Variants in PTCHD4 observed in about 807,000 individuals in gnomAD.
PTCHD4 encodes the protein patched domain-containing protein 4.
In PTCHD4, 33 loss-of-function variants were observed where a neutral mutation model predicts 58.1. The ratio of observed to expected loss-of-function variants is 0.57; its 90% CI spans 0.43 to 0.76. PTCHD4 has a LOEUF of 0.76. PTCHD4 is among the 30% of genes least tolerant of loss of function. The pLI is 0.00. For missense variants in PTCHD4, 1,058 were observed against 1,027.1 expected (o/e 1.03, Z -0.41); for synonymous variants, 478 against 409.6 (o/e 1.17, Z -2.02).
At chr6:48,095,730 A>AC (rs1397760361) in intron 1 of PTCHD4, among the ~76,000 whole-genome samples, 1 of 117,204 alleles carries the variant, frequency 8.5e-6, no homozygotes, top group African/African-American at 3.3e-5. Flanking sequence ...AACAAAAGGA[A>AC]CCAAAAAAAA....
chr6:47,900,456 G>A (rs978855976), intron 4 of PTCHD4: 3 of 152,136 alleles, frequency 2.0e-5, no homozygotes, highest in African/African-American at 7.2e-5. Context: ...TGTCCACTTT[G>A]AAATTGGGTT....
chr6:47,867,114 G>C lies in PTCHD4; in HGVS notation c.*11189C>G, dbSNP rs1763588027. Among the ~76,000 whole-genome samples, 1 of 151,726 alleles carries C rather than the reference G, an allele frequency of 6.6e-6. No homozygotes were observed. The highest frequency in any genetic ancestry group is 2.1e-4 in the South Asian group (1 of 4,820). On this transcript the variant is annotated 3_prime_UTR_variant, in exon 5 of 5. Coordinates refer to ENST00000339488, the MANE Select transcript of PTCHD4 (RefSeq NM_001384253.1). Reference sequence around the variant, plus strand: ...CAATAATACCTATTCTATTAGGCAGGTATTATTTGAATTGTTAATTAAAAT... The same window carrying C: ...CAATAATACCTATTCTATTAGGCAGCTATTATTTGAATTGTTAATTAAAAT...
intron 1 of PTCHD4, among the ~76,000 whole-genome samples, 112 bp from the exon 2 acceptor site, chr6:48,070,038 C>T (rs2113882999): frequency 6.6e-6 from 1 of 152,200 alleles, no homozygotes; most frequent in Non-Finnish European, 1.5e-5. Flanking sequence ...GATACAATTC[C>T]TCCTTCAGCA....
chr6:48,084,039 T>TA (rs548591757), intron 1 of PTCHD4, among the ~76,000 whole-genome samples: 11,311 of 148,876 alleles, frequency 0.076, 470 homozygotes, highest in South Asian at 0.1. Flanking sequence ...TAGCAGTGAT[T>TA]AAAAAAAAAA....
intron 3 of PTCHD4, among the ~76,000 whole-genome samples, chr6:48,009,820 C>T (rs1446943385): frequency 7.2e-5 from 11 of 152,154 alleles, no homozygotes; most frequent in African/African-American, 2.4e-4. Context: ...GTAGACAAAT[C>T]CCCTAAATTA....
intron 4 of PTCHD4, among the ~76,000 whole-genome samples, chr6:47,933,186 C>G (rs759690583): frequency 2.0e-5 from 3 of 152,178 alleles, no homozygotes; most frequent in Non-Finnish European, 2.9e-5. Context: ...AGGTTGACAT[C>G]TGAAATGAAA....
At position 47,858,325 on chromosome 6, in the gene PTCHD4, A is replaced by G. The variant is rs146575576; in HGVS notation, c.*19978T>C. Among the ~76,000 whole-genome samples, 56 of 152,178 alleles carry G rather than the reference A, an allele frequency of 3.7e-4. No individual in the cohort carries two copies. Among genetic ancestry groups the G allele is most frequent in the African/African-American group, 1.3e-3 (53 of 41,556 alleles). ...TCCATTAATAAATTTCTTCTGTAGA[A>G]CAAAGTAATGTGTATGAAAGACAAT... is the stretch of plus-strand genomic sequence containing the variant. On this transcript the variant is annotated 3_prime_UTR_variant, in exon 5 of 5. Transcript: ENST00000339488.
At chr6:48,026,367 G>C (rs1763246922) in intron 3 of PTCHD4, among the ~76,000 whole-genome samples, 1 of 152,074 alleles carries the variant, frequency 6.6e-6, no homozygotes, top group African/African-American at 2.4e-5. Flanking sequence ...TGCCAGCTTT[G>C]TCCATCTCCT....
intron 3 of PTCHD4, among the ~76,000 whole-genome samples, chr6:48,053,356 A>T (rs1049020093): frequency 2.0e-5 from 3 of 152,158 alleles, no homozygotes; most frequent in African/African-American, 7.2e-5. Flanking sequence ...TTTGACATAT[A>T]CTTATCTCTT....
chr6:48,048,703 T>C (rs1177919433), intron 3 of PTCHD4, among the ~76,000 whole-genome samples: 2 of 151,928 alleles, frequency 1.3e-5, no homozygotes, highest in African/African-American at 2.4e-5. Flanking sequence ...TTATTTAACA[T>C]CCAGGAAGCA....
At chr6:48,048,963 T>C (rs967994884) in intron 3 of PTCHD4, among the ~76,000 whole-genome samples, 9 of 151,958 alleles carry the variant, frequency 5.9e-5, no homozygotes, top group Admixed American at 5.9e-4. Context: ...AGGCACACAT[T>C]CTGAGACCAC....
At chr6:47,954,675 A>C (rs1355483366) in intron 4 of PTCHD4, among the ~76,000 whole-genome samples, 1 of 152,136 alleles carries the variant, frequency 6.6e-6, no homozygotes, top group Admixed American at 6.5e-5. Context: ...TATTAGTAAA[A>C]CTGTTGTAGT....
intron 4 of PTCHD4, among the ~76,000 whole-genome samples, chr6:47,895,888 A>C (rs1366760186): frequency 1.3e-5 from 2 of 152,122 alleles, no homozygotes; most frequent in Non-Finnish European, 2.9e-5. Context: ...TACTCAGATG[A>C]TGTCTGCATA....
At chr6:48,082,302 C>T (rs1765182632) in intron 1 of PTCHD4, among the ~76,000 whole-genome samples, 1 of 152,084 alleles carries the variant, frequency 6.6e-6, no homozygotes, top group Non-Finnish European at 1.5e-5. Context: ...TATAAAAATT[C>T]ATTCAATCCA....
chr6:47,934,473 T>C (rs1307627286), intron 4 of PTCHD4, among the ~76,000 whole-genome samples: 1 of 152,100 alleles, frequency 6.6e-6, no homozygotes, highest in African/African-American at 2.4e-5. Context: ...GTATAATGCT[T>C]GCTTTCCAGC....
At chr6:47,909,708 T>A (rs1398279009) in intron 4 of PTCHD4, among the ~76,000 whole-genome samples, 1 of 152,044 alleles carries the variant, frequency 6.6e-6, no homozygotes, top group East Asian at 1.9e-4. Flanking sequence ...CTCCAAAGTG[T>A]TGGGATTGCA....
At chr6:48,103,571 T>C (rs1200777133) in intron 1 of PTCHD4, among the ~76,000 whole-genome samples, 1 of 152,098 alleles carries the variant, frequency 6.6e-6, no homozygotes, top group East Asian at 1.9e-4. Context: ...ACGCAGCTCC[T>C]CACCAGGAAT....
At chr6:48,010,391 T>C (rs1007089136) in intron 3 of PTCHD4, among the ~76,000 whole-genome samples, 1 of 152,170 alleles carries the variant, frequency 6.6e-6, no homozygotes, top group Non-Finnish European at 1.5e-5. Context: ...TATTATGTAC[T>C]CTAGCAGACA....
chr6:47,879,353 A>T lies in PTCHD4; in HGVS notation c.1482T>A (p.Ser494Arg). ...TGGCATAGGAAACACTTGGCGAATCACTGGCTAGTAGATTGATGATGTTGG... is the reference window on the plus strand; with the variant it reads ...TGGCATAGGAAACACTTGGCGAATCTCTGGCTAGTAGATTGATGATGTTGG... Reference protein sequence around the residue: ...DGANIINLLASDSPSVSYAMV... With the variant: ...DGANIINLLARDSPSVSYAMV... The change falls in exon 5 of 5, where the codon AGT becomes AGA. Residue 494 changes from serine to arginine, a missense_variant. By Grantham distance (110) the Ser-to-Arg change is moderately radical (BLOSUM62 -1). Coordinates refer to ENST00000339488, the MANE Select transcript of PTCHD4 (RefSeq NM_001384253.1). The T allele has an allele frequency of 6.2e-7, 1 of 1,613,534 alleles. No homozygotes were observed. Among genetic ancestry groups the T allele is most frequent in the Non-Finnish European group, 8.5e-7 (1 of 1,179,708 alleles).
Sources: allele counts gnomAD v4.1 joint callset (sites outside exome capture counted in the v4.1 genomes callset), GRCh38; gene constraint gnomAD v4.1.1; transcripts MANE v1.5; gene names NCBI Gene and HGNC (gene_info 2026-07-23, HGNC 2026-07-21).